The following ST7L variants were observed in gnomAD, a reference collection of about 807,000 sequenced individuals.
ST7L encodes suppressor of tumorigenicity 7 protein-like.
Under a neutral mutation model 72.5 loss-of-function variants are expected in ST7L, and 57 were observed. That is an observed-to-expected ratio of 0.79 (90% CI 0.64 to 0.98). ST7L has a LOEUF of 0.98. ST7L is among the 50% of genes least tolerant of loss of function. ST7L has a pLI of 0.00. For missense variants in ST7L, 576 were observed against 672.2 expected, an observed-to-expected ratio of 0.86 and a Z score of 1.58; for synonymous variants, 221 against 240.9, an observed-to-expected ratio of 0.92 and a Z score of 0.77.
chr1:112,568,888 A>ATATATATATATAT (rs1557994022), intron 11 of ST7L, among the ~76,000 whole-genome samples: 1 of 132,178 alleles, frequency 7.6e-6, no homozygotes, highest in African/African-American at 3.1e-5. Context: ...ATATATATAT[A>ATATATATATATAT]AAACAAAAAT....
chr1:112,590,480 T>C (rs1665526583), intron 6 of ST7L, among the ~76,000 whole-genome samples: 1 of 152,202 alleles, frequency 6.6e-6, no homozygotes, highest in African/African-American at 2.4e-5. Context: ...CATTCTTTAC[T>C]CTGCCATTTT....
chr1:112,576,446 G>T (rs1663123497), intron 11 of ST7L, among the ~76,000 whole-genome samples: 1 of 152,140 alleles, frequency 6.6e-6, no homozygotes, highest in Non-Finnish European at 1.5e-5. Flanking sequence ...GCAATAATTT[G>T]TATAACTGCA....
At position 112,600,854 on chromosome 1, in the gene ST7L, A is replaced by C. The variant is rs750452574; in HGVS notation, c.452-6T>G. On this transcript the variant is annotated splice_region_variant and splice_polypyrimidine_tract_variant and intron_variant, in intron 3 of 14. Coordinates refer to ENST00000358039, the MANE Select transcript of ST7L (RefSeq NM_017744.5). ...GTTTCTCCATACCTTACATTCTGAA[A>C]AACAAGGGAGAAAAAGGGGGAAAAA... is the stretch of plus-strand genomic sequence containing the variant. 21 of 1,606,828 alleles carry C rather than the reference A, an allele frequency of 1.3e-5. No homozygotes were observed. The highest frequency in any genetic ancestry group is 1.7e-5 in the Non-Finnish European group (20 of 1,175,874).
chr1:112,618,990 C>T lies in ST7L; in HGVS notation c.124G>A (p.Ala42Thr), dbSNP rs375549110. 467 of 1,611,474 alleles carry T rather than the reference C, an allele frequency of 2.9e-4. No homozygotes were observed. The highest frequency in any genetic ancestry group is 3.8e-4 in the Non-Finnish European group (450 of 1,178,936). Residue 42 changes from alanine (A) to threonine (T), a missense_variant, in exon 1 of 15, where the codon GCC (alanine) becomes ACC (threonine). Physicochemically the swap from Ala to Thr is moderately conservative, Grantham distance 58. This residue lies in a region of ST7L where 9 missense variants were observed against 25.6 expected (regional missense o/e 0.35). Transcript: ENST00000358039. ...RLRAGLAGTG[A>T]SLWFVAGLGL... ...AGCCCCGCCACGAACCACAACGAGG[C>T]CCCAGTCCCCGCCAGCCCGGCCCGC... is the stretch of plus-strand genomic sequence containing the variant.
chr1:112,556,997 A>AAAAAAAAAAAC (rs1557974323), intron 11 of ST7L, among the ~76,000 whole-genome samples: 9 of 142,732 alleles, frequency 6.3e-5, no homozygotes, highest in African/African-American at 2.6e-4. Flanking sequence ...AAAAAAAAAA[A>AAAAAAAAAAAC]ACACAAAGAA....
chr1:112,581,166 A>C lies in ST7L; in HGVS notation c.1069+826T>G, dbSNP rs139047490. ...TTATCATTGAACTTTGTAACTAAAA[A>C]GCATTGTAAAAATGTTATTCTGAAT... On this transcript the variant is annotated intron_variant, in intron 9 of 14. Coordinates refer to ENST00000358039, the MANE Select transcript of ST7L (RefSeq NM_017744.5). Among the ~76,000 whole-genome samples the C allele has an allele frequency of 2.3e-3, 345 of 152,304 alleles. 2 individuals are homozygous for C. Among genetic ancestry groups the C allele is most frequent in the African/African-American group, 7.0e-3 (292 of 41,558 alleles).
intron 13 of ST7L, among the ~76,000 whole-genome samples, chr1:112,547,681 GC>G (rs1657375648): frequency 7.0e-6 from 1 of 142,366 alleles, no homozygotes; most frequent in Non-Finnish European, 1.5e-5. Context: ...TCCTGCCTCA[GC>G]CTTCCAAGTA....
At position 112,609,062 on chromosome 1, in the gene ST7L, C is replaced by T. The variant is rs569123402; in HGVS notation, c.451+1779G>A. Among the ~76,000 whole-genome samples the T allele has an allele frequency of 3.3e-5, 5 of 152,274 alleles. No individual in the cohort carries two copies. In the South Asian group the frequency reaches 8.3e-4, roughly 25 times the overall value. ...TCATTTTGGCCCAGGAGCGATGGCTCACACCTGTAATTCCAACATTTTGGG... is the reference window on the plus strand; with the variant it reads ...TCATTTTGGCCCAGGAGCGATGGCTTACACCTGTAATTCCAACATTTTGGG... On this transcript the variant is annotated intron_variant, in intron 3 of 14. Transcript: ENST00000358039.
At chr1:112,584,412 T>C (rs997532768) in intron 6 of ST7L, among the ~76,000 whole-genome samples, 1 of 151,976 alleles carries the variant, frequency 6.6e-6, no homozygotes, top group African/African-American at 2.4e-5. Context: ...CATTGTCCTG[T>C]GTTTTCTTTT....
chr1:112,592,570 C>A (rs558140580), intron 5 of ST7L, among the ~76,000 whole-genome samples: 1 of 152,270 alleles, frequency 6.6e-6, no homozygotes, highest in South Asian at 2.1e-4. Flanking sequence ...AGGTAAAGAA[C>A]ATCATTCTGC....
At chr1:112,543,868 C>CAAAAAA (rs11418345) in intron 13 of ST7L, among the ~76,000 whole-genome samples, 4 of 59,416 alleles carry the variant, frequency 6.7e-5, no homozygotes, top group East Asian at 5.4e-4. Flanking sequence ...GACTCTATCT[C>CAAAAAA]AAAAAAAAAA....
intron 14 of ST7L, chr1:112,529,961 G>C (rs1654106342): frequency 6.6e-6 from 1 of 152,040 alleles, no homozygotes; most frequent in Non-Finnish European, 1.5e-5. Flanking sequence ...ATATGAATGT[G>C]CCTCCTTACC....
intron 5 of ST7L, among the ~76,000 whole-genome samples, chr1:112,594,396 G>C (rs1666135246): frequency 6.6e-6 from 1 of 152,040 alleles, no homozygotes; most frequent in Admixed American, 6.6e-5. Flanking sequence ...GTGAAGCTTG[G>C]CATTGGAAAG....
chr1:112,568,415 C>A (rs1489330722), intron 11 of ST7L, among the ~76,000 whole-genome samples: 4 of 147,344 alleles, frequency 2.7e-5, no homozygotes, highest in Non-Finnish European at 5.9e-5. Flanking sequence ...CGGCTCACTG[C>A]AAGCTCTGCC....
intron 13 of ST7L, among the ~76,000 whole-genome samples, chr1:112,543,827 C>T (rs7537789): frequency 0.21 from 31,275 of 146,478 alleles, 3,557 homozygotes; most frequent in Middle Eastern, 0.26. Flanking sequence ...CAAGATCATG[C>T]CACTGCACTC....
chr1:112,547,119 C>T (rs565728595), intron 13 of ST7L, among the ~76,000 whole-genome samples: 7 of 151,962 alleles, frequency 4.6e-5, no homozygotes, highest in African/African-American at 9.6e-5. Flanking sequence ...TCCAAGTCAC[C>T]GAAGTCAGAA....
chr1:112,549,091 C>T (rs749505129), intron 13 of ST7L, among the ~76,000 whole-genome samples: 3 of 151,814 alleles, frequency 2.0e-5, no homozygotes, highest in Non-Finnish European at 4.4e-5. Flanking sequence ...TGGAGAGAAT[C>T]GTCATCTAAA....
intron 12 of ST7L, 104 bp downstream of exon 12, chr1:112,555,764 G>A (rs774125847): frequency 1.1e-4 from 124 of 1,151,116 alleles, no homozygotes; most frequent in Non-Finnish European, 1.4e-4. Flanking sequence ...CAATCTGAAC[G>A]ACAAATCCTT....
intron 14 of ST7L, among the ~76,000 whole-genome samples, chr1:112,537,541 G>T (rs1655414268): frequency 6.6e-6 from 1 of 152,200 alleles, no homozygotes; most frequent in Admixed American, 6.5e-5. Context: ...GTTAAATAAA[G>T]AAGCTCCTTT....
Sources: allele counts gnomAD v4.1 joint callset (sites outside exome capture counted in the v4.1 genomes callset), GRCh38; gene constraint gnomAD v4.1.1; regional missense constraint gnomAD v4.1.1; transcripts MANE v1.5; gene names NCBI Gene and HGNC (gene_info 2026-07-23, HGNC 2026-07-21).